DOCK5: variants seen among roughly 807,000 people sequenced by gnomAD.
The protein encoded by DOCK5 is dedicator of cytokinesis 5.
In DOCK5, 142 loss-of-function variants were observed where a neutral mutation model predicts 251.8. The ratio of observed to expected loss-of-function variants is 0.56; its 90% confidence interval spans 0.49 to 0.65. The LOEUF is 0.65. Ranked by LOEUF, DOCK5 falls within the 30% of genes least tolerant of loss-of-function variation. The pLI is 0.00. For synonymous variants in DOCK5, 842 were observed against 835.5 expected, an observed-to-expected ratio of 1.01 and a Z score of -0.13; for missense variants, 2,111 against 2,312.3, an observed-to-expected ratio of 0.91 and a Z score of 1.79.
At chr8:25,288,300 C>T (rs1300487137) in intron 5 of DOCK5, among the ~76,000 whole-genome samples, 3 of 152,156 alleles carry the variant, frequency 2.0e-5, no homozygotes, top group Non-Finnish European at 2.9e-5. Context: ...TTGCTTAGAA[C>T]GCTCTTAGGA....
chr8:25,194,375 C>T (rs1801664717), intron 1 of DOCK5, among the ~76,000 whole-genome samples: 2 of 152,164 alleles, frequency 1.3e-5, no homozygotes, highest in Non-Finnish European at 2.9e-5. Context: ...ATGCAGTTGA[C>T]TTTACTTCTA....
intron 38 of DOCK5, among the ~76,000 whole-genome samples, chr8:25,379,483 G>T (rs964986869): frequency 9.9e-5 from 15 of 152,128 alleles, no homozygotes; most frequent in African/African-American, 3.4e-4. Flanking sequence ...CCTTATGGTT[G>T]TCTTCCCTTG....
chr8:25,192,375 A>G (rs1319529714), intron 1 of DOCK5, among the ~76,000 whole-genome samples: 3 of 152,204 alleles, frequency 2.0e-5, no homozygotes, highest in South Asian at 2.1e-4. Flanking sequence ...GAACTAGCAA[A>G]AACAAAATAT....
intron 20 of DOCK5, 33 bp downstream of exon 20, chr8:25,332,725 T>G (rs749575069): frequency 2.0e-6 from 3 of 1,510,966 alleles, no homozygotes; most frequent in Non-Finnish European, 1.8e-6. Context: ...TAGTGTTTAT[T>G]GTTGCAACTT....
At chr8:25,228,832 CTA>C (rs1268664338) in intron 1 of DOCK5, among the ~76,000 whole-genome samples, 1 of 151,750 alleles carries the variant, frequency 6.6e-6, no homozygotes, top group Non-Finnish European at 1.5e-5. Context: ...TTAATTTAGT[CTA>C]TGTTTTATTT....
chr8:25,209,109 G>T (rs1802070158), intron 1 of DOCK5, among the ~76,000 whole-genome samples: 4 of 152,176 alleles, frequency 2.6e-5, no homozygotes, highest in Admixed American at 1.3e-4. Flanking sequence ...GTGAGGGAGG[G>T]TCTGTGAAGA....
chr8:25,394,130 A>G (rs972118411), intron 44 of DOCK5, among the ~76,000 whole-genome samples: 3 of 152,318 alleles, frequency 2.0e-5, no homozygotes, highest in Non-Finnish European at 2.9e-5. Context: ...CTGAGGCAAG[A>G]AGATGGCTTG....
chr8:25,232,960 G>A (rs897891148), intron 1 of DOCK5, among the ~76,000 whole-genome samples: 2 of 151,880 alleles, frequency 1.3e-5, no homozygotes, highest in Non-Finnish European at 2.9e-5. Context: ...TCTTAGCCTC[G>A]GGTATTTTCA....
intron 1 of DOCK5, among the ~76,000 whole-genome samples, chr8:25,238,149 A>G (rs953118788): frequency 2.0e-5 from 3 of 152,198 alleles, no homozygotes; most frequent in African/African-American, 4.8e-5. Flanking sequence ...TTTGGGAAGT[A>G]GGATGGTCAT....
At chr8:25,316,299 G>A (rs1482574898) in intron 13 of DOCK5, among the ~76,000 whole-genome samples, 2 of 152,128 alleles carry the variant, frequency 1.3e-5, no homozygotes, top group Non-Finnish European at 2.9e-5. Flanking sequence ...GGGCAATGTA[G>A]TGAGACCCCT....
At chr8:25,309,360 T>G (rs912587512) in intron 12 of DOCK5, among the ~76,000 whole-genome samples, 24 of 152,130 alleles carry the variant, frequency 1.6e-4, no homozygotes, top group African/African-American at 5.8e-4. Flanking sequence ...ACTTTTAAAT[T>G]TTTTGTAGAG....
intron 1 of DOCK5, among the ~76,000 whole-genome samples, chr8:25,200,084 G>T (rs1801844405): frequency 1.3e-5 from 2 of 152,196 alleles, no homozygotes; most frequent in African/African-American, 4.8e-5. Flanking sequence ...TTTTATAAAA[G>T]AATCCTAAGG....
chr8:25,302,176 G>A (rs1804783505), intron 9 of DOCK5, 149 bp from the exon 10 acceptor site: 11 of 1,175,550 alleles, frequency 9.4e-6, no homozygotes, highest in South Asian at 4.3e-5. Flanking sequence ...CTCTTGGATG[G>A]AGATGGGGGA....
intron 18 of DOCK5, among the ~76,000 whole-genome samples, chr8:25,331,799 T>TAG (rs1172468853): frequency 1.9e-3 from 94 of 48,972 alleles, no homozygotes; most frequent in African/African-American, 4.7e-3. Flanking sequence ...TATATATATA[T>TAG]ATAGAGAGAG....
intron 48 of DOCK5, among the ~76,000 whole-genome samples, chr8:25,405,339 T>C (rs1287641219): frequency 2.0e-5 from 3 of 152,104 alleles, no homozygotes; most frequent in South Asian, 2.1e-4. Flanking sequence ...GAATTTATTC[T>C]AATATAAGAT....
At chr8:25,397,472 T>C (rs190154901) in intron 45 of DOCK5, among the ~76,000 whole-genome samples, 1 of 152,358 alleles carries the variant, frequency 6.6e-6, no homozygotes, top group African/African-American at 2.4e-5. Context: ...TTTCTCAGGC[T>C]TTCAGCCTTC....
intron 3 of DOCK5, among the ~76,000 whole-genome samples, chr8:25,269,658 C>T (rs1803853976): frequency 6.6e-6 from 1 of 151,976 alleles, no homozygotes; most frequent in African/African-American, 2.4e-5. Context: ...ATACCTCCCT[C>T]AGTTTCTTTT....
chr8:25,242,762 T>G (rs1437715667), intron 1 of DOCK5, among the ~76,000 whole-genome samples: 1 of 152,150 alleles, frequency 6.6e-6, no homozygotes, highest in Non-Finnish European at 1.5e-5. Flanking sequence ...GTCACCTTGA[T>G]TAGGAAGTGC....
At chr8:25,305,561 T>C (rs1804895781) in intron 11 of DOCK5, among the ~76,000 whole-genome samples, 1 of 152,060 alleles carries the variant, frequency 6.6e-6, no homozygotes, top group South Asian at 2.1e-4. Context: ...TAGAAAAAAA[T>C]CGATACAGTC....
Sources: allele counts gnomAD v4.1 joint callset (sites outside exome capture counted in the v4.1 genomes callset), GRCh38; gene constraint gnomAD v4.1.1; transcripts MANE v1.5; gene names NCBI Gene and HGNC (gene_info 2026-07-23, HGNC 2026-07-21).